Variants in CATSPERT observed in about 807,000 individuals in gnomAD.
CATSPERT encodes the protein catsper channel auxiliary subunit tau, also known as cation channel sperm-associated targeting subunit tau.
At chr2:201,582,173 T>C in the CATSPERT span, 2 of 1,607,836 alleles carry the variant, frequency 1.2e-6, no homozygotes, top group Non-Finnish European at 1.7e-6. Context: ...ATTGTATGAG[T>C]TCCAATAAAA....
the CATSPERT span, among the ~76,000 whole-genome samples, chr2:201,515,397 G>A: frequency 6.6e-6 from 1 of 151,438 alleles, no homozygotes; most frequent in African/African-American, 2.4e-5. Flanking sequence ...ACCACGCCTG[G>A]CTAATTTTTG....
chr2:201,530,961 G>GTTTTTTTTTTTTT, the CATSPERT span, among the ~76,000 whole-genome samples: 55 of 106,030 alleles, frequency 5.2e-4, no homozygotes, highest in Admixed American at 1.0e-3. Flanking sequence ...TTTTTTGTGG[G>GTTTTTTTTTTTTT]TTTTTTTTTT....
the CATSPERT span, chr2:201,601,846 A>AGATGC: frequency 6.2e-7 from 1 of 1,606,814 alleles, no homozygotes; most frequent in African/African-American, 1.3e-5. Flanking sequence ...TTGTTTATAG[A>AGATGC]GATGCGAATG....
chr2:201,494,105 T>C, the CATSPERT span: 2 of 1,534,144 alleles, frequency 1.3e-6, no homozygotes, highest in East Asian at 2.4e-5. Context: ...CTTAAAGTAG[T>C]CTTTGAATTT....
chr2:201,583,871 T>G, the CATSPERT span, among the ~76,000 whole-genome samples: 2 of 152,068 alleles, frequency 1.3e-5, no homozygotes, highest in Non-Finnish European at 2.9e-5. Context: ...AAAACCAAAC[T>G]GAAAATATAC....
the CATSPERT span, chr2:201,535,938 T>A: frequency 1.3e-6 from 2 of 1,575,324 alleles, no homozygotes; most frequent in Non-Finnish European, 1.7e-6. Flanking sequence ...TAAGTTTAGA[T>A]TGTTGTTTTG....
At chr2:201,586,630 C>A in the CATSPERT span, among the ~76,000 whole-genome samples, 1 of 151,882 alleles carries the variant, frequency 6.6e-6, no homozygotes, top group Non-Finnish European at 1.5e-5. Flanking sequence ...ATATAATATT[C>A]TATTTCATCA....
chr2:201,492,962 G>A, the CATSPERT span: 1 of 1,536,394 alleles, frequency 6.5e-7, no homozygotes, highest in Admixed American at 2.0e-5. Context: ...CTCAAAATAG[G>A]TTTTCTGTCT....
the CATSPERT span, chr2:201,557,654 C>T: frequency 6.6e-6 from 1 of 152,208 alleles, no homozygotes; most frequent in African/African-American, 2.4e-5. Context: ...TATTAATCTG[C>T]TTTTCACCTA....
chr2:201,506,223 C>T, the CATSPERT span, among the ~76,000 whole-genome samples: 16 of 152,012 alleles, frequency 1.1e-4, no homozygotes, highest in Non-Finnish European at 2.2e-4. Context: ...GCCGAGATTG[C>T]GCCACTGCAC....
the CATSPERT span, among the ~76,000 whole-genome samples, chr2:201,546,822 A>G: frequency 2.6e-5 from 4 of 152,150 alleles, no homozygotes; most frequent in African/African-American, 9.6e-5. Flanking sequence ...AAACTTGCAC[A>G]TAAATGTTCA....
chr2:201,507,527 GA>G, the CATSPERT span, among the ~76,000 whole-genome samples: 4 of 152,166 alleles, frequency 2.6e-5, no homozygotes, highest in African/African-American at 9.7e-5. Context: ...TGAAAAAGCA[GA>G]TATGTGTGTT....
At chr2:201,578,561 G>A in the CATSPERT span, among the ~76,000 whole-genome samples, 1 of 152,010 alleles carries the variant, frequency 6.6e-6, no homozygotes, top group African/African-American at 2.4e-5. Flanking sequence ...ATGTATTTGG[G>A]TCTTTTTATA....
At chr2:201,601,661 A>G in the CATSPERT span, 2 of 1,371,838 alleles carry the variant, frequency 1.5e-6, no homozygotes, top group African/African-American at 1.5e-5. Flanking sequence ...ACTCATTTTT[A>G]TAAAAAGACA....
At chr2:201,516,196 G>C in the CATSPERT span, among the ~76,000 whole-genome samples, 1 of 152,130 alleles carries the variant, frequency 6.6e-6, no homozygotes, top group Non-Finnish European at 1.5e-5. Flanking sequence ...CACAGAAAAG[G>C]TACAGTAAAA....
At chr2:201,618,746 A>G in the CATSPERT span, among the ~76,000 whole-genome samples, 1 of 150,958 alleles carries the variant, frequency 6.6e-6, no homozygotes, top group Non-Finnish European at 1.5e-5. Flanking sequence ...AGGAATTGCT[A>G]TAAACGAAAA....
At chr2:201,611,657 T>C in the CATSPERT span, among the ~76,000 whole-genome samples, 1 of 150,542 alleles carries the variant, frequency 6.6e-6, no homozygotes, top group Non-Finnish European at 1.5e-5. Flanking sequence ...TAAACATTAA[T>C]GAAACTAAGG....
chr2:201,551,803 G>C, the CATSPERT span, among the ~76,000 whole-genome samples: 40 of 151,868 alleles, frequency 2.6e-4, no homozygotes, highest in Non-Finnish European at 5.0e-4. Context: ...AGCTACTCAG[G>C]AGGCTGAGGC....
the CATSPERT span, among the ~76,000 whole-genome samples, chr2:201,509,460 G>C: frequency 6.0e-5 from 9 of 150,964 alleles, no homozygotes; most frequent in East Asian, 1.3e-3. Context: ...CTTGATGCAA[G>C]AAGTTTTTAA....
Sources: allele counts gnomAD v4.1 joint callset (sites outside exome capture counted in the v4.1 genomes callset), GRCh38; gene constraint gnomAD v4.1.1; transcripts MANE v1.5; gene names NCBI Gene and HGNC (gene_info 2026-07-23, HGNC 2026-07-21).